GIGYF2: variants seen among roughly 807,000 people sequenced by gnomAD.
GIGYF2 encodes GRB10-interacting GYF protein 2.
GIGYF2 carries 25 observed loss-of-function variants against 208.1 expected under a neutral mutation model. The observed-to-expected ratio is 0.12, with a 90% confidence interval of 0.09 to 0.17. The LOEUF is 0.17. GIGYF2 is among the 10% of genes least tolerant of loss of function. GIGYF2 has a pLI of 1.00. For synonymous variants in GIGYF2, 534 were observed against 543.8 expected (o/e 0.98, Z 0.25); for missense variants, 1,302 against 1,579.4 (o/e 0.82, Z 2.98).
intron 8 of GIGYF2, among the ~76,000 whole-genome samples, chr2:232,761,716 A>T (rs141143967): frequency 8.5e-5 from 13 of 152,320 alleles, no homozygotes; most frequent in African/African-American, 2.9e-4. Context: ...TCTAGTGTAG[A>T]TAGCATCTCA....
chr2:232,815,900 T>G, intron 19 of GIGYF2, 163 bp downstream of exon 19: 1 of 586,308 alleles, frequency 1.7e-6, no homozygotes, highest in Non-Finnish European at 3.0e-6. Context: ...TGCTCTCTTC[T>G]CCCAAAAAAA....
At position 232,844,570 on chromosome 2, in the gene GIGYF2, C is replaced by A; in HGVS notation, c.3301C>A (p.Leu1101Ile). Reference protein sequence around the residue: ...STNKNKNNASLSKSVGVSNRQ... With the variant: ...STNKNKNNASISKSVGVSNRQ... ...AAATAAAAATAAAAACAACGCCAGT[C>A]TCAGGTAGGGCTCAAAATGACCACA... The change falls in exon 25 of 29, where the codon CTC becomes ATC. Residue 1101 changes from leucine (L) to isoleucine (I), a missense_variant. By Grantham distance (5) the Leu-to-Ile change is conservative (BLOSUM62 2). Coordinates refer to ENST00000373563, the MANE Select transcript of GIGYF2 (RefSeq NM_001103146.3). The A allele has an allele frequency of 6.2e-7, 1 of 1,608,278 alleles. No homozygotes were observed.
chr2:232,713,961 T>G (rs1433638249), intron 2 of GIGYF2, among the ~76,000 whole-genome samples: 4 of 151,768 alleles, frequency 2.6e-5, no homozygotes, highest in Admixed American at 2.6e-4. Context: ...TCTCTTTTTT[T>G]TTTTTTGAGA....
chr2:232,731,425 C>T (rs570329022), intron 2 of GIGYF2, among the ~76,000 whole-genome samples: 2 of 152,210 alleles, frequency 1.3e-5, no homozygotes, highest in South Asian at 4.1e-4. Flanking sequence ...CTCTAAAATC[C>T]TCTACGGGTT....
intron 28 of GIGYF2, among the ~76,000 whole-genome samples, chr2:232,853,869 G>A (rs558515895): frequency 1.7e-4 from 26 of 152,344 alleles, no homozygotes; most frequent in African/African-American, 6.0e-4. Flanking sequence ...GCCAAAGGAT[G>A]AATGCATACC....
chr2:232,747,498 A>G (rs1698188209), intron 3 of GIGYF2, 117 bp from the exon 4 acceptor site: 2 of 1,066,666 alleles, frequency 1.9e-6, no homozygotes, highest in Admixed American at 3.6e-5. Flanking sequence ...ACTTTGAGAT[A>G]GTAGGATTTC....
intron 5 of GIGYF2, among the ~76,000 whole-genome samples, chr2:232,750,215 T>G (rs1049523550): frequency 6.6e-5 from 10 of 151,636 alleles, no homozygotes; most frequent in African/African-American, 2.4e-4. Context: ...TTGGCATATG[T>G]CCTTTACTTG....
At chr2:232,736,167 C>G (rs781031674) in intron 3 of GIGYF2, 1 of 980,940 alleles carries the variant, frequency 1.0e-6, no homozygotes, top group East Asian at 1.1e-4. Context: ...GGAGAAATCA[C>G]TATTTGAAGT....
chr2:232,790,985 T>G, intron 10 of GIGYF2, 23 bp from the exon 11 acceptor site: 1 of 1,613,932 alleles, frequency 6.2e-7, no homozygotes, highest in Non-Finnish European at 8.5e-7. Context: ...CTGTTGATCT[T>G]TGGTTTTATT....
chr2:232,851,858 G>A (rs1690347875), intron 28 of GIGYF2, among the ~76,000 whole-genome samples: 1 of 152,222 alleles, frequency 6.6e-6, no homozygotes, highest in South Asian at 2.1e-4. Context: ...CTGCAGTATA[G>A]ACTAGGTAAA....
chr2:232,811,446 C>G (rs901370799), intron 17 of GIGYF2, 95 bp downstream of exon 17: 1 of 774,244 alleles, frequency 1.3e-6, no homozygotes, highest in African/African-American at 1.7e-5. Context: ...TGATTTCTGG[C>G]ACTGGAACAC....
intron 2 of GIGYF2, among the ~76,000 whole-genome samples, chr2:232,728,078 G>T (rs1697291738): frequency 6.6e-6 from 1 of 152,188 alleles, no homozygotes; most frequent in African/African-American, 2.4e-5. Flanking sequence ...TATGGAGTAG[G>T]TGTTTGAATA....
intron 8 of GIGYF2, chr2:232,766,091 A>C: frequency 2.2e-6 from 1 of 455,002 alleles, no homozygotes; most frequent in South Asian, 1.6e-5. Flanking sequence ...GTCTTTCTAT[A>C]GAAAACCTAA....
At chr2:232,797,487 G>GC (rs1700257388) in intron 14 of GIGYF2, among the ~76,000 whole-genome samples, 1 of 110,298 alleles carries the variant, frequency 9.1e-6, no homozygotes, top group Non-Finnish European at 1.8e-5. Context: ...CGAGAGCAGG[G>GC]CTTGTGTGTG....
rs1317953997 is a variant in GIGYF2, at chr2:232,768,680, A to T, written c.532+7244A>T. 6.2e-7 allele frequency: 1 copy of T among 1,610,994 alleles called. No individual in the cohort carries two copies. Among genetic ancestry groups the T allele is most frequent in the Non-Finnish European group, 8.5e-7 (1 of 1,177,610 alleles). On this transcript the variant is annotated intron_variant, in intron 8 of 28. Transcript: ENST00000373563. ...CAGCTGAGACCCGGACACTGGTTAG[A>T]GGGCTAGGTCGGGTGTTGGCCACTT...
chr2:232,846,990 A>T (rs1045475684), intron 26 of GIGYF2, among the ~76,000 whole-genome samples: 1 of 152,230 alleles, frequency 6.6e-6, no homozygotes, highest in Non-Finnish European at 1.5e-5. Context: ...TGTTTTCTTT[A>T]GTGTATGTTG....
Position 232,728,950 on chromosome 2 carries a change from T to TTTTCCG in GIGYF2, c.-43-6201_-43-6200insCGTTTC, listed in dbSNP as rs894176878. ...CCTTTCCTTTTCCTTTTCCTTTTCC[T>TTTTCCG]TTTCTCTTTCCTTTTCCCTTTCCCT... On this transcript the variant is annotated intron_variant, in intron 2 of 28. Coordinates refer to ENST00000373563, the MANE Select transcript of GIGYF2 (RefSeq NM_001103146.3). Among the ~76,000 whole-genome samples the TTTTCCG allele has an allele frequency of 6.6e-5, 10 of 151,930 alleles. 1 individual carries two copies. The highest frequency in any genetic ancestry group is 2.2e-4 in the African/African-American group (9 of 41,408).
chr2:232,811,076 A>G, intron 16 of GIGYF2, 168 bp from the exon 17 acceptor site: 1 of 586,686 alleles, frequency 1.7e-6, no homozygotes, highest in South Asian at 2.0e-5. Flanking sequence ...TGAAGCATAG[A>G]ATTTTCTATG....
In GIGYF2 at chr2:232,756,599, A is replaced by G. The variant is rs571207660; in HGVS notation, c.379+265A>G. Among the ~76,000 whole-genome samples, 30 of 152,288 alleles carry G rather than the reference A, an allele frequency of 2.0e-4. 1 individual carries two copies. The South Asian group carries it at 6.2e-3, about 32-fold the overall frequency. ...AGTCCCAATTCACTCCAACAGATCC[A>G]TGTTCCTCATCCCTGGAGAGCCTTA... On this transcript the variant is annotated intron_variant, in intron 6 of 28. Transcript: ENST00000373563.
Sources: gnomAD v4.1 joint callset for allele counts (sites outside exome capture counted in the v4.1 genomes callset) on GRCh38, gnomAD v4.1.1 for gene constraint, MANE v1.5 for transcripts, NCBI Gene and HGNC (gene_info 2026-07-23, HGNC 2026-07-21) for gene names.